The following LOXL2 variants were observed in gnomAD, a reference collection of about 807,000 sequenced individuals.
LOXL2 encodes the protein lysyl oxidase like 2.
A neutral mutation model predicts 93.0 loss-of-function variants in LOXL2; 70 were observed. The observed-to-expected ratio is 0.75, with a 90% confidence interval of 0.62 to 0.92. LOXL2 has a LOEUF of 0.92. Among genes scored for constraint, LOXL2 ranks in the 40% least tolerant of loss-of-function variants. LOXL2 has a pLI of 0.00. For synonymous variants in LOXL2, 438 were observed against 413.2 expected, an observed-to-expected ratio of 1.06 and a Z score of -0.73; for missense variants, 973 against 1,054.9, an observed-to-expected ratio of 0.92 and a Z score of 1.08.
chr8:23,344,949 G>A (rs987963955), intron 3 of LOXL2, among the ~76,000 whole-genome samples: 2 of 152,096 alleles, frequency 1.3e-5, no homozygotes, highest in Admixed American at 1.3e-4. Context: ...GCCTTGCTGG[G>A]CTTCCTCCTT....
At chr8:23,314,710 G>A (rs979841900) in intron 9 of LOXL2, among the ~76,000 whole-genome samples, 15 of 151,356 alleles carry the variant, frequency 9.9e-5, no homozygotes, top group African/African-American at 3.6e-4. Flanking sequence ...GAGTTAGTGG[G>A]TGCAGCGCAC....
chr8:23,355,797 C>T (rs926847225), intron 3 of LOXL2, among the ~76,000 whole-genome samples: 4 of 151,658 alleles, frequency 2.6e-5, no homozygotes, highest in Non-Finnish European at 5.9e-5. Flanking sequence ...TTGGTAGAGA[C>T]ACGGTCTTGC....
intron 3 of LOXL2, among the ~76,000 whole-genome samples, chr8:23,351,713 G>T (rs1029337465): frequency 6.6e-6 from 1 of 152,190 alleles, no homozygotes; most frequent in Non-Finnish European, 1.5e-5. Context: ...TTGCATTTCA[G>T]ATTTTCAGTT....
intron 1 of LOXL2, among the ~76,000 whole-genome samples, chr8:23,395,897 C>A (rs1800082952): frequency 6.6e-6 from 1 of 152,046 alleles, no homozygotes; most frequent in African/African-American, 2.4e-5. Flanking sequence ...TGGTCTCGAA[C>A]TCCCGAGCTC....
Position 23,303,165 on chromosome 8 carries a change from G to A in LOXL2, c.1996+117C>T. ...AGGAAGGTCCAGGTGGGGAAAGGTGGCAGTGGTCAGAGTGACACAGGGTCA... is the reference window on the plus strand; with the variant it reads ...AGGAAGGTCCAGGTGGGGAAAGGTGACAGTGGTCAGAGTGACACAGGGTCA... On this transcript the variant is annotated intron_variant, in intron 11 of 13. Coordinates refer to ENST00000389131, the MANE Select transcript of LOXL2 (RefSeq NM_002318.3). 8.3e-6 allele frequency: 6 copies of A among 718,622 alleles called. No individual in the cohort carries two copies. In the South Asian group the frequency reaches 8.9e-5, roughly 11 times the overall value. 44.5% of individuals were successfully genotyped at this position (718,622 alleles called of 1,614,324 possible).
chr8:23,376,498 A>G (rs533956940), intron 1 of LOXL2, among the ~76,000 whole-genome samples: 1 of 152,292 alleles, frequency 6.6e-6, no homozygotes, highest in Admixed American at 6.5e-5. Context: ...TGATTGGAAT[A>G]GTTTCAGAAG....
chr8:23,353,756 A>C (rs1316812108), intron 3 of LOXL2, among the ~76,000 whole-genome samples: 1 of 152,164 alleles, frequency 6.6e-6, no homozygotes, highest in Non-Finnish European at 1.5e-5. Flanking sequence ...TCCCCTACAG[A>C]ATATTTAAAA....
Position 23,303,352 on chromosome 8 carries a change from G to C in LOXL2, c.1926C>G (p.Asn642Lys). The change falls in exon 11 of 14, where the codon AAC becomes AAG. Residue 642 changes from asparagine (N) to lysine (K), a missense_variant. Transcript: ENST00000389131. ...MEVFTHYDLL[N>K]LNGTKVAEGH... ...CCTCTGCCACCTTGGTGCCATTGAG[G>C]TTCAGCAGGTCATAGTGGGTGAACA... The C allele has an allele frequency of 5.6e-6, 9 of 1,613,696 alleles. No individual in the cohort carries two copies. The highest frequency in any genetic ancestry group is 7.6e-6 in the Non-Finnish European group (9 of 1,179,822).
chr8:23,395,445 C>T (rs1240390635), intron 1 of LOXL2, among the ~76,000 whole-genome samples: 12 of 151,562 alleles, frequency 7.9e-5, no homozygotes, highest in East Asian at 1.9e-4. Context: ...TGGTGGCTAA[C>T]GGATATGGAC....
intron 9 of LOXL2, among the ~76,000 whole-genome samples, chr8:23,314,768 A>G (rs939837900): frequency 1.6e-4 from 25 of 151,906 alleles, no homozygotes; most frequent in African/African-American, 4.6e-4. Flanking sequence ...CATTGTGCAC[A>G]TGTACCTTAA....
intron 1 of LOXL2, chr8:23,402,680 G>C (rs545472352): frequency 1.3e-5 from 2 of 152,232 alleles, no homozygotes; most frequent in South Asian, 4.1e-4. Flanking sequence ...CAGGCTAGCA[G>C]TGGTGTAGGG....
intron 1 of LOXL2, among the ~76,000 whole-genome samples, chr8:23,403,713 G>A (rs1164548225): frequency 6.6e-6 from 1 of 151,924 alleles, no homozygotes; most frequent in African/African-American, 2.4e-5. Context: ...CTCCCCGGGC[G>A]CGCCAGCAGC....
At chr8:23,351,306 GC>G (rs1275805785) in intron 3 of LOXL2, among the ~76,000 whole-genome samples, 3 of 152,186 alleles carry the variant, frequency 2.0e-5, no homozygotes, top group African/African-American at 7.2e-5. Context: ...TGCCCACTCT[GC>G]CCTAGTCACA....
chr8:23,360,612 C>T (rs1475419890), intron 2 of LOXL2, among the ~76,000 whole-genome samples: 1 of 152,170 alleles, frequency 6.6e-6, no homozygotes. Flanking sequence ...TAACCTTGGT[C>T]AAGGGCCCTT....
At chr8:23,383,828 T>C (rs1804717290) in intron 1 of LOXL2, among the ~76,000 whole-genome samples, 1 of 151,526 alleles carries the variant, frequency 6.6e-6, no homozygotes, top group Admixed American at 6.6e-5. Context: ...GCCCGGCTAA[T>C]TTTTTGTATT....
intron 5 of LOXL2, among the ~76,000 whole-genome samples, chr8:23,329,431 ACT>A (rs1268522639): frequency 1.3e-5 from 2 of 151,916 alleles, no homozygotes; most frequent in Non-Finnish European, 1.5e-5. Flanking sequence ...CAGGAGTAAG[ACT>A]CTCTACGTCT....
chr8:23,327,529 C>T (rs547558634), intron 6 of LOXL2, among the ~76,000 whole-genome samples: 12 of 152,240 alleles, frequency 7.9e-5, no homozygotes, highest in South Asian at 6.2e-4. Flanking sequence ...CCATAGCAGC[C>T]GACGGTCTGC....
rs1049396353 is a variant in LOXL2 at position 23,303,139 on chromosome 8, G to T, written c.1996+143C>A. On this transcript the variant is annotated intron_variant, in intron 11 of 13. Transcript: ENST00000389131. ...ATGCCCCCAGCGCCTCACTATAGCT[G>T]AGGAAGGTCCAGGTGGGGAAAGGTG... 15 of 666,768 alleles carry T rather than the reference G, an allele frequency of 2.2e-5. No homozygotes were observed. In the East Asian group the frequency reaches 4.2e-4, roughly 19 times the overall value. 41.3% of individuals were successfully genotyped at this position (666,768 alleles called of 1,614,324 possible).
At chr8:23,347,054 C>A (rs531966375) in intron 3 of LOXL2, among the ~76,000 whole-genome samples, 1 of 152,272 alleles carries the variant, frequency 6.6e-6, no homozygotes, top group African/African-American at 2.4e-5. Flanking sequence ...CATGGTGACT[C>A]ACGCCTCTAA....
Sources: allele counts gnomAD v4.1 joint callset (sites outside exome capture counted in the v4.1 genomes callset), GRCh38; gene constraint gnomAD v4.1.1; transcripts MANE v1.5; gene names NCBI Gene and HGNC (gene_info 2026-07-23, HGNC 2026-07-21).